TMEM43: variants seen among roughly 807,000 people sequenced by gnomAD.
TMEM43 encodes the protein transmembrane protein 43.
In TMEM43, 45 loss-of-function variants were observed where a neutral mutation model predicts 49.6. The ratio of observed to expected loss-of-function variants is 0.91; its 90% CI spans 0.71 to 1.16. The LOEUF (loss-of-function observed/expected upper bound fraction) is 1.16. TMEM43 is among the 50% of genes most tolerant of loss of function. The pLI is 0.00. For missense variants in TMEM43, 532 were observed against 516.6 expected (o/e 1.03, Z -0.29); for synonymous variants, 199 against 207.8 (o/e 0.96, Z 0.36).
intron 4 of TMEM43, among the ~76,000 whole-genome samples, chr3:14,132,022 C>A (rs1695102757): frequency 6.6e-6 from 1 of 151,522 alleles, no homozygotes; most frequent in African/African-American, 2.4e-5. Flanking sequence ...TTCAGCCTTC[C>A]CATCAGCTGT....
chr3:14,139,190 A>G lies in TMEM43; in HGVS notation c.893A>G (p.His298Arg), dbSNP rs1285837389. 18 of 1,613,670 alleles carry G rather than the reference A, an allele frequency of 1.1e-5. 1 individual carries two copies. In the Middle Eastern group the frequency reaches 8.2e-4, roughly 74 times the overall value. ...CACCTTGTCCTGCAGGAGGTGTTTC[A>G]TAGAGAACTAAGGAGCAACTCCATG... ...HGDFSAEEVF[H>R]RELRSNSMKT... The change falls in exon 11 of 12, where the codon CAT (histidine) becomes CGT (arginine). Residue 298 changes from histidine (H) to arginine (R), a missense_variant. His to Arg is a conservative substitution (Grantham distance 29). Coordinates refer to ENST00000306077, the MANE Select transcript of TMEM43 (RefSeq NM_024334.3).
chr3:14,139,142 C>A, intron 10 of TMEM43, 38 bp from the exon 11 acceptor site: 1 of 1,473,028 alleles, frequency 6.8e-7, no homozygotes, highest in Non-Finnish European at 9.5e-7. Context: ...ACGCCACTGG[C>A]CCTCAGCATC....
intron 11 of TMEM43, 29 bp downstream of exon 11, chr3:14,139,326 C>T (rs1348052748): frequency 1.4e-6 from 2 of 1,477,988 alleles, no homozygotes; most frequent in South Asian, 1.1e-5. Context: ...CACTGCCCTC[C>T]CTCCTGCACC....
chr3:14,127,961 G>A (rs1695040984), intron 1 of TMEM43, among the ~76,000 whole-genome samples: 1 of 152,188 alleles, frequency 6.6e-6, no homozygotes. Flanking sequence ...CCAGCCTGGT[G>A]CCAGCCCAGT....
intron 9 of TMEM43, 120 bp downstream of exon 9, chr3:14,135,352 T>G: frequency 1.2e-6 from 1 of 820,226 alleles, no homozygotes; most frequent in Admixed American, 2.0e-5. Flanking sequence ...AGGCACACTC[T>G]CGCACACACT....
At position 14,135,084 on chromosome 3, in the gene TMEM43, G is replaced by T. The variant is rs1038069611; in HGVS notation, c.706-74G>T. Reference sequence around the variant, plus strand: ...GTGGGAGAAGAGCCTGAGGGGCGTAGCCGAGGCATCCTGGACCTGGGCCTG... The same window carrying T: ...GTGGGAGAAGAGCCTGAGGGGCGTATCCGAGGCATCCTGGACCTGGGCCTG... On this transcript the variant is annotated intron_variant, in intron 8 of 11. Coordinates refer to ENST00000306077, the MANE Select transcript of TMEM43 (RefSeq NM_024334.3). 1.6e-5 allele frequency: 24 copies of T among 1,515,606 alleles called. No individual in the cohort carries two copies. The African/African-American group carries it at 3.3e-4, about 21-fold the overall frequency. The allele number at this position is 1,515,606 out of a possible 1,614,324, so 93.9% of individuals were successfully genotyped here. A position where few individuals can be genotyped will look rare whatever the true frequency, so the allele number is the denominator to read the frequency against.
At position 14,125,100 on chromosome 3, in the gene TMEM43, G is replaced by C; in HGVS notation, c.-94G>C. The stretch of plus-strand genomic sequence containing the variant: ...GAGTCCACGCGGATTTTCGAAGCTG[G>C]GGCTGGCAAGAGGCCGCTGGACACC... On this transcript the variant is annotated 5_prime_UTR_variant, in exon 1 of 12. Coordinates refer to ENST00000306077, the MANE Select transcript of TMEM43 (RefSeq NM_024334.3). 1.9e-6 allele frequency: 3 copies of C among 1,540,226 alleles called. No homozygotes were observed. Among genetic ancestry groups the C allele is most frequent in the Non-Finnish European group, 1.8e-6 (2 of 1,130,342 alleles).
At chr3:14,131,733 G>C in intron 4 of TMEM43, 59 bp downstream of exon 4, 1 of 1,230,976 alleles carries the variant, frequency 8.1e-7, no homozygotes, top group Non-Finnish European at 1.2e-6. Flanking sequence ...GTAGGTGTCA[G>C]GATAACATGC....
intron 11 of TMEM43, 49 bp downstream of exon 11, chr3:14,139,346 C>A: frequency 7.7e-7 from 1 of 1,294,726 alleles, no homozygotes; most frequent in African/African-American, 1.5e-5. Flanking sequence ...CCTGAAAGGG[C>A]CTCCTCTGCC....
In TMEM43 at chr3:14,140,704, A is replaced by C. The variant is rs576062213; in HGVS notation, c.1001-889A>C. On this transcript the variant is annotated intron_variant, in intron 11 of 11. Coordinates refer to ENST00000306077, the MANE Select transcript of TMEM43 (RefSeq NM_024334.3). ...GAGTTAAGAAGAGTACCTACCTTAC[A>C]GGGTGGGCATGAGTGCTTCATGAGA... Among the ~76,000 whole-genome samples the C allele has an allele frequency of 1.6e-4, 25 of 152,332 alleles. No homozygotes were observed. In the South Asian group the frequency reaches 5.2e-3, roughly 32 times the overall value.
At chr3:14,140,048 C>T (rs1574941469) in intron 11 of TMEM43, among the ~76,000 whole-genome samples, 1 of 152,222 alleles carries the variant, frequency 6.6e-6, no homozygotes, top group South Asian at 2.1e-4. Context: ...CCAACAGAAA[C>T]CTCTTCCCCA....
intron 9 of TMEM43, 30 bp from the exon 10 acceptor site, chr3:14,135,777 C>T (rs1238815437): frequency 3.8e-6 from 6 of 1,597,562 alleles, no homozygotes; most frequent in Non-Finnish European, 4.3e-6. Flanking sequence ...CTGGTCACCC[C>T]TCAGCTCTAA....
At chr3:14,138,999 C>G (rs993691274) in intron 10 of TMEM43, among the ~76,000 whole-genome samples, 181 bp from the exon 11 acceptor site, 2 of 152,192 alleles carry the variant, frequency 1.3e-5, no homozygotes, top group Non-Finnish European at 2.9e-5. Context: ...ATGCCTTGCC[C>G]TGTGCTCTGC....
chr3:14,132,976 A>G (rs2124989276), intron 6 of TMEM43, 41 bp downstream of exon 6: 3 of 1,501,732 alleles, frequency 2.0e-6, no homozygotes, highest in Non-Finnish European at 2.8e-6. Flanking sequence ...CTTTGTCTAC[A>G]CTGGCAGGTC....
chr3:14,125,169 C>T lies in TMEM43; in HGVS notation c.-25C>T. 1 of 1,608,992 alleles carries T rather than the reference C, an allele frequency of 6.2e-7. No homozygotes were observed. Among genetic ancestry groups the T allele is most frequent in the Non-Finnish European group, 8.5e-7 (1 of 1,178,954 alleles). On this transcript the variant is annotated 5_prime_UTR_variant, in exon 1 of 12. Transcript: ENST00000306077. ...CACTTCCTAGCTGAACAGCGCGAGG[C>T]GGCGGCAGCGAGCCGGGTCCCACCA... is the stretch of plus-strand genomic sequence containing the variant.
intron 3 of TMEM43, among the ~76,000 whole-genome samples, 199 bp downstream of exon 3, chr3:14,131,155 A>G (rs1695090429): frequency 6.6e-6 from 1 of 152,206 alleles, no homozygotes; most frequent in Non-Finnish European, 1.5e-5. Flanking sequence ...GGTAATGGTT[A>G]CAAGCTTGTG....
chr3:14,134,865 C>A lies in TMEM43; in HGVS notation c.679C>A (p.His227Asn). 1 of 1,614,182 alleles carries A rather than the reference C, an allele frequency of 6.2e-7. No individual in the cohort carries two copies. The highest frequency in any genetic ancestry group is 8.5e-7 in the Non-Finnish European group (1 of 1,180,022). The change falls in exon 8 of 12, where the codon CAC (histidine) becomes AAC (asparagine). Residue 227 changes from histidine to asparagine, a missense_variant. His to Asn is a moderately conservative substitution (Grantham distance 68, BLOSUM62 1). Transcript: ENST00000306077. ...CATTCGCCGTGGAGACTTTTTCTAC[C>A]ACAGCGAAAATCCCAAGTATCCAGA... ...DIIRRGDFFY[H>N]SENPKYPEVG...
intron 11 of TMEM43, among the ~76,000 whole-genome samples, chr3:14,139,987 C>T (rs374971563): frequency 2.8e-4 from 42 of 152,290 alleles, no homozygotes; most frequent in African/African-American, 9.6e-4. Context: ...CAAGCCTTTC[C>T]CTGGTGTGTG....
intron 1 of TMEM43, 106 bp from the exon 2 acceptor site, chr3:14,129,306 C>CAAAA (rs1695060462): frequency 1.9e-6 from 1 of 532,482 alleles, no homozygotes; most frequent in Non-Finnish European, 2.6e-6. Flanking sequence ...ACAGTTAAAA[C>CAAAA]TAAAAAAAAA....
Sources: allele counts gnomAD v4.1 joint callset (sites outside exome capture counted in the v4.1 genomes callset), GRCh38; gene constraint gnomAD v4.1.1; transcripts MANE v1.5; gene names NCBI Gene and HGNC (gene_info 2026-07-23, HGNC 2026-07-21).